The following RIPOR2 variants were observed in gnomAD, a reference collection of about 807,000 sequenced individuals.
RIPOR2 encodes RHO family interacting cell polarization regulator 2, also known as rho family-interacting cell polarization regulator 2.
A neutral mutation model predicts 114.5 loss-of-function variants in RIPOR2; 39 were observed. The observed-to-expected ratio is 0.34, with a 90% CI of 0.26 to 0.44. The LOEUF (loss-of-function observed/expected upper bound fraction) is 0.44. Ranked by LOEUF, RIPOR2 falls within the 20% of genes least tolerant of loss-of-function variation. The pLI, the probability that RIPOR2 is intolerant of heterozygous loss-of-function variation, is 1.00. For synonymous variants in RIPOR2, 445 were observed against 484.4 expected (o/e 0.92, Z 1.07); for missense variants, 1,007 against 1,255.1 (o/e 0.80, Z 2.99).
rs1474977607 is a variant in RIPOR2, at chr6:24,809,775, C to T, written c.2985G>A (p.Leu995=). The change falls in exon 21 of 22, where the codon TTG becomes TTA. Residue 995 remains leucine (L), a synonymous_variant. Transcript: ENST00000643898. ...ATESIKMLVT[L]CQSDTEEIRN... ...TGATTTCTTCAGTATCAGATTGACA[C>T]AATGTCACCAGCATTTTAATGCTTT... The T allele has an allele frequency of 2.6e-6, 4 of 1,550,694 alleles. No homozygotes were observed. The highest frequency in any genetic ancestry group is 8.7e-7 in the Non-Finnish European group (1 of 1,146,204).
At chr6:24,871,050 G>T (rs1273346355) in intron 4 of RIPOR2, among the ~76,000 whole-genome samples, 161 bp from the exon 5 acceptor site, 2 of 152,024 alleles carry the variant, frequency 1.3e-5, no homozygotes, top group East Asian at 3.8e-4. Context: ...TAAAAACTTG[G>T]GTTATTTTGC....
intron 1 of RIPOR2, chr6:24,931,872 T>C (rs1047316450): frequency 1.2e-4 from 19 of 152,210 alleles, no homozygotes; most frequent in African/African-American, 4.6e-4. Context: ...AGGAGTAATT[T>C]TGGCTGCTAA....
chr6:25,006,982 G>A (rs1018153452), intron 1 of RIPOR2, among the ~76,000 whole-genome samples: 1 of 152,234 alleles, frequency 6.6e-6, no homozygotes, highest in Non-Finnish European at 1.5e-5. Context: ...GGGAATCCCA[G>A]TGCCAGGCTC....
At chr6:25,001,671 T>C (rs1479819472) in intron 1 of RIPOR2, among the ~76,000 whole-genome samples, 1 of 148,492 alleles carries the variant, frequency 6.7e-6, no homozygotes, top group Non-Finnish European at 1.5e-5. Flanking sequence ...TTTTAGGCTT[T>C]GTGGGCCTTA....
At chr6:24,969,018 C>G (rs1773655855) in intron 1 of RIPOR2, among the ~76,000 whole-genome samples, 1 of 152,156 alleles carries the variant, frequency 6.6e-6, no homozygotes, top group Non-Finnish European at 1.5e-5. Flanking sequence ...CTTTCAACCA[C>G]CTTCCCATCA....
At chr6:24,829,320 A>C (rs1440817435) in intron 17 of RIPOR2, among the ~76,000 whole-genome samples, 2 of 150,598 alleles carry the variant, frequency 1.3e-5, no homozygotes, top group African/African-American at 4.9e-5. Context: ...TCTCAAAATA[A>C]ATAAATTAAT....
chr6:24,839,040 T>C, intron 14 of RIPOR2, 51 bp downstream of exon 14: 1 of 1,434,278 alleles, frequency 7.0e-7, no homozygotes, highest in African/African-American at 1.4e-5. Flanking sequence ...AAAGAACTAC[T>C]GTATCAGCTG....
chr6:24,946,366 C>G (rs1320373653), intron 1 of RIPOR2, among the ~76,000 whole-genome samples: 1 of 152,124 alleles, frequency 6.6e-6, no homozygotes, highest in Non-Finnish European at 1.5e-5. Context: ...TGAGCCATCG[C>G]ACCCTGCCAA....
intron 1 of RIPOR2, among the ~76,000 whole-genome samples, chr6:24,967,373 A>C (rs1773572353): frequency 1.3e-5 from 2 of 152,320 alleles, no homozygotes; most frequent in South Asian, 2.1e-4. Flanking sequence ...TAAAGGATAA[A>C]GATGTGTTAT....
intron 1 of RIPOR2, among the ~76,000 whole-genome samples, chr6:24,971,865 T>C (rs1030261732): frequency 7.0e-6 from 1 of 143,808 alleles, no homozygotes; most frequent in African/African-American, 2.5e-5. Context: ...GCAAGTTTAA[T>C]GAGTCTTGCC....
At chr6:24,885,737 G>A (rs1356661074) in intron 1 of RIPOR2, among the ~76,000 whole-genome samples, 1 of 150,590 alleles carries the variant, frequency 6.6e-6, no homozygotes, top group Non-Finnish European at 1.5e-5. Flanking sequence ...GTGCAAATGA[G>A]ATAATATACA....
intron 1 of RIPOR2, among the ~76,000 whole-genome samples, chr6:24,946,843 G>T (rs1411043617): frequency 6.6e-6 from 1 of 152,208 alleles, no homozygotes; most frequent in Non-Finnish European, 1.5e-5. Flanking sequence ...CCTCAAAGAA[G>T]GAATAAAACA....
intron 1 of RIPOR2, chr6:24,976,535 G>C (rs1046058682): frequency 5.0e-6 from 8 of 1,591,714 alleles, no homozygotes; most frequent in African/African-American, 4.0e-5. Context: ...AATCCATAAA[G>C]CTATGTTAAC....
intron 13 of RIPOR2, 104 bp from the exon 14 acceptor site, chr6:24,839,376 GTTT>G: frequency 7.0e-7 from 1 of 1,437,936 alleles, no homozygotes; most frequent in South Asian, 1.5e-5. Context: ...TTTGTTTCAA[GTTT>G]TTATTTTTTG....
chr6:24,874,271 T>C (rs1314034709), intron 2 of RIPOR2, among the ~76,000 whole-genome samples: 1 of 152,162 alleles, frequency 6.6e-6, no homozygotes, highest in Non-Finnish European at 1.5e-5. Context: ...AGTGCTGGGA[T>C]AATTTTTTAA....
chr6:24,835,577 A>C, intron 15 of RIPOR2, 126 bp downstream of exon 15: 2 of 1,114,572 alleles, frequency 1.8e-6, no homozygotes, highest in Non-Finnish European at 2.6e-6. Flanking sequence ...ACTTGGCTCA[A>C]ACCACAGCAA....
At chr6:24,995,851 G>A (rs537146925) in intron 1 of RIPOR2, among the ~76,000 whole-genome samples, 12 of 145,316 alleles carry the variant, frequency 8.3e-5, no homozygotes, top group African/African-American at 3.1e-4. Flanking sequence ...GCCCCAGGCT[G>A]GAGTGCAGTG....
At chr6:25,015,923 T>TTTC (rs1775967864) in intron 1 of RIPOR2, 1 of 138,684 alleles carries the variant, frequency 7.2e-6, no homozygotes, top group Non-Finnish European at 1.6e-5. Context: ...TTTTTTTTTT[T>TTTC]TAAGGAGTCT....
At chr6:24,896,653 C>T (rs1767915438) in intron 1 of RIPOR2, among the ~76,000 whole-genome samples, 1 of 152,146 alleles carries the variant, frequency 6.6e-6, no homozygotes, top group Admixed American at 6.5e-5. Flanking sequence ...GCCTGTAATC[C>T]CAGCACTTTG....
Sources: allele counts gnomAD v4.1 joint callset (sites outside exome capture counted in the v4.1 genomes callset), GRCh38; gene constraint gnomAD v4.1.1; transcripts MANE v1.5; gene names NCBI Gene and HGNC (gene_info 2026-07-23, HGNC 2026-07-21).